The following TCF12 variants were observed in gnomAD, a reference collection of about 807,000 sequenced individuals.
TCF12 encodes the protein DNA-binding protein HTF4.
Under a neutral mutation model 86.0 loss-of-function variants are expected in TCF12, and 45 were observed. The observed-to-expected ratio is 0.52, with a 90% CI of 0.41 to 0.67. The LOEUF (loss-of-function observed/expected upper bound fraction) is 0.67. Among genes scored for constraint, TCF12 ranks in the 30% least tolerant of loss-of-function variants. TCF12 has a pLI of 0.00. For missense variants in TCF12, 881 were observed against 859.9 expected (o/e 1.02, Z -0.31); for synonymous variants, 330 against 299.6 (o/e 1.10, Z -1.05).
At chr15:56,988,921 AT>A (rs1567211720) in intron 3 of TCF12, among the ~76,000 whole-genome samples, 1 of 152,128 alleles carries the variant, frequency 6.6e-6, no homozygotes, top group East Asian at 1.9e-4. Context: ...CAATAGCTAA[AT>A]TTAAGTAATT....
chr15:57,199,228 G>C (rs946043587), intron 8 of TCF12, among the ~76,000 whole-genome samples: 1 of 152,114 alleles, frequency 6.6e-6, no homozygotes, highest in Admixed American at 6.5e-5. Context: ...GCTAAAAATA[G>C]TTGGCAATTT....
At chr15:57,183,342 T>G (rs534963977) in intron 6 of TCF12, among the ~76,000 whole-genome samples, 1 of 152,346 alleles carries the variant, frequency 6.6e-6, no homozygotes, top group East Asian at 1.9e-4. Context: ...CACACACTTT[T>G]GCTAAATCAT....
At chr15:57,221,838 T>C (rs2058612725) in intron 8 of TCF12, among the ~76,000 whole-genome samples, 1 of 152,126 alleles carries the variant, frequency 6.6e-6, no homozygotes, top group African/African-American at 2.4e-5. Context: ...TCAGTTTTCT[T>C]CAATAAGAAA....
At chr15:57,121,205 T>C (rs929014634) in intron 5 of TCF12, among the ~76,000 whole-genome samples, 6 of 152,206 alleles carry the variant, frequency 3.9e-5, no homozygotes, top group Non-Finnish European at 7.3e-5. Context: ...GTTCTTTCGC[T>C]AGTCTAGGAC....
At chr15:57,162,402 T>C (rs1225290133) in intron 5 of TCF12, among the ~76,000 whole-genome samples, 1 of 152,172 alleles carries the variant, frequency 6.6e-6, no homozygotes, top group Non-Finnish European at 1.5e-5. Context: ...GCCTCCTAAG[T>C]CTTAGACTGA....
chr15:57,002,259 C>G (rs1052685179), intron 3 of TCF12, among the ~76,000 whole-genome samples: 2 of 152,050 alleles, frequency 1.3e-5, no homozygotes, highest in African/African-American at 4.8e-5. Context: ...TCCACATGCC[C>G]CATGAGAAAA....
At chr15:57,215,869 C>T (rs72733924) in intron 8 of TCF12, among the ~76,000 whole-genome samples, 1 of 152,144 alleles carries the variant, frequency 6.6e-6, no homozygotes, top group Non-Finnish European at 1.5e-5. Flanking sequence ...GTGGATAACT[C>T]TAAGAAATTT....
At chr15:57,251,483 A>G (rs1373187893) in intron 14 of TCF12, 60 bp downstream of exon 14, 2 of 1,511,116 alleles carry the variant, frequency 1.3e-6, no homozygotes, top group African/African-American at 2.8e-5. Flanking sequence ...GTTTTTGGTC[A>G]ATCTGGCATA....
Position 56,977,306 on chromosome 15 carries a change from G to A in TCF12, c.148+56208G>A, listed in dbSNP as rs559303780. 3.3e-5 allele frequency among the ~76,000 whole-genome samples: 5 copies of A among 152,196 alleles called. No homozygotes were observed. The East Asian group carries it at 9.7e-4, about 29-fold the overall frequency. ...CTAGCACTTTGGGAGGCCGAGGTGG[G>A]CGGATTGCTTGAGTCCAGGAGTTCG... On this transcript the variant is annotated intron_variant, in intron 3 of 20. Coordinates refer to ENST00000333725, the MANE Select transcript of TCF12 (RefSeq NM_207037.2).
At chr15:56,949,539 T>A (rs2061167715) in intron 3 of TCF12, among the ~76,000 whole-genome samples, 1 of 152,230 alleles carries the variant, frequency 6.6e-6, no homozygotes, top group African/African-American at 2.4e-5. Context: ...TGTAGTTAAT[T>A]GTCATGGTGT....
rs2061212192 is a variant in TCF12 at position 57,272,967 on chromosome 15, C to T, written c.1746-63C>T. On this transcript the variant is annotated intron_variant, in intron 18 of 20. Transcript: ENST00000333725. ...TCCATCTTTACGCTTTATAATTGTG[C>T]ACAATCAGCATATCTTACTTTATAG... is the stretch of plus-strand genomic sequence containing the variant. 4.1e-6 allele frequency: 6 copies of T among 1,449,450 alleles called. 1 individual carries two copies. Among genetic ancestry groups the T allele is most frequent in the South Asian group, 2.4e-5 (2 of 82,232 alleles). The allele number at this position is 1,449,450 out of a possible 1,614,324, so 89.8% of individuals were successfully genotyped here. A position where few individuals can be genotyped will look rare whatever the true frequency, so the allele number is the denominator to read the frequency against.
intron 3 of TCF12, among the ~76,000 whole-genome samples, chr15:57,056,835 A>G (rs1455215313): frequency 6.2e-5 from 9 of 144,722 alleles, no homozygotes; most frequent in African/African-American, 1.3e-4. Flanking sequence ...AAAAGCATGT[A>G]TCTTTCACTT....
At chr15:57,282,868 T>A (rs1445397637) in intron 20 of TCF12, among the ~76,000 whole-genome samples, 1 of 152,252 alleles carries the variant, frequency 6.6e-6, no homozygotes, top group African/African-American at 2.4e-5. Flanking sequence ...CTCTCTTACA[T>A]GAGTATCTTC....
intron 3 of TCF12, among the ~76,000 whole-genome samples, chr15:57,031,025 T>C (rs1482821633): frequency 3.9e-5 from 6 of 152,244 alleles, no homozygotes; most frequent in African/African-American, 1.4e-4. Context: ...AAAGCCTACA[T>C]ACTTGTCATT....
At chr15:57,054,490 A>G (rs1384360183) in intron 3 of TCF12, among the ~76,000 whole-genome samples, 2 of 152,172 alleles carry the variant, frequency 1.3e-5, no homozygotes, top group African/African-American at 4.8e-5. Flanking sequence ...CACCAAACCC[A>G]AATATAATTG....
At position 57,050,848 on chromosome 15, in the gene TCF12, G is replaced by A. The variant is rs138132145; in HGVS notation, c.149-12902G>A. On this transcript the variant is annotated intron_variant, in intron 3 of 20. Transcript: ENST00000333725. ...TCAGATATTGTGCTTGTCAGTGCTA[G>A]AATTTTCTTTTTTTAAATGGTTTTC... Among the ~76,000 whole-genome samples the A allele has an allele frequency of 2.0e-3, 302 of 152,180 alleles. 2 individuals are homozygous for A. Among genetic ancestry groups the A allele is most frequent in the African/African-American group, 7.0e-3 (292 of 41,512 alleles).
At chr15:57,235,183 A>G (rs1375969415) in intron 12 of TCF12, among the ~76,000 whole-genome samples, 2 of 152,158 alleles carry the variant, frequency 1.3e-5, no homozygotes, top group Non-Finnish European at 2.9e-5. Flanking sequence ...CTTGGATCAT[A>G]TAATAATAAT....
intron 3 of TCF12, among the ~76,000 whole-genome samples, chr15:56,995,259 T>TTTTTTTTTG: frequency 7.2e-6 from 1 of 138,844 alleles, no homozygotes; most frequent in Non-Finnish European, 1.6e-5. Context: ...TTTTTTTTTT[T>TTTTTTTTTG]GCTTAGGATT....
At chr15:57,107,327 T>A (rs751272935) in intron 5 of TCF12, among the ~76,000 whole-genome samples, 3 of 152,108 alleles carry the variant, frequency 2.0e-5, no homozygotes, top group African/African-American at 4.8e-5. Context: ...AACAAGCCAA[T>A]CTGAAAGACT....
Sources: allele counts gnomAD v4.1 joint callset (sites outside exome capture counted in the v4.1 genomes callset), GRCh38; gene constraint gnomAD v4.1.1; transcripts MANE v1.5; gene names NCBI Gene and HGNC (gene_info 2026-07-23, HGNC 2026-07-21).